The following CSMD1 variants were observed in gnomAD, a reference collection of about 807,000 sequenced individuals.
CSMD1 encodes the protein CUB and sushi domain-containing protein 1.
A neutral mutation model predicts 417.5 loss-of-function variants in CSMD1; 213 were observed. That is an observed-to-expected ratio of 0.51 (90% CI 0.46 to 0.57). The LOEUF (loss-of-function observed/expected upper bound fraction) is 0.57. Ranked by LOEUF, CSMD1 falls within the 20% of genes least tolerant of loss-of-function variation. The probability of loss-of-function intolerance (pLI) is 0.00; values close to 1 mark genes in which losing one functional copy is unlikely to be tolerated. For synonymous variants in CSMD1, 2,862 were observed against 1,736.8 expected (o/e 1.65, Z -16.11); for missense variants, 6,923 against 4,529.7 (o/e 1.53, Z -15.17).
At chr8:3,688,670 C>A (rs1327902075) in intron 7 of CSMD1, among the ~76,000 whole-genome samples, 1 of 152,136 alleles carries the variant, frequency 6.6e-6, no homozygotes, top group African/African-American at 2.4e-5. Context: ...AATTTCGTGG[C>A]AGTTCTGCAA....
intron 3 of CSMD1, among the ~76,000 whole-genome samples, chr8:4,338,337 C>A (rs1228591327): frequency 6.6e-6 from 1 of 152,034 alleles, no homozygotes; most frequent in African/African-American, 2.4e-5. Flanking sequence ...GTGATCTGTT[C>A]CAGGGCTCTC....
At chr8:4,309,506 A>T (rs530186242) in intron 3 of CSMD1, among the ~76,000 whole-genome samples, 186 of 152,250 alleles carry the variant, frequency 1.2e-3, no homozygotes, top group African/African-American at 4.0e-3. Context: ...AAATTTCTAA[A>T]CTAAAAGGTA....
At chr8:4,741,936 G>T (rs1227052103) in intron 1 of CSMD1, among the ~76,000 whole-genome samples, 1 of 144,406 alleles carries the variant, frequency 6.9e-6, no homozygotes, top group Non-Finnish European at 1.5e-5. Context: ...TGGGCTCAAG[G>T]AATCTTCCCA....
At chr8:4,484,462 T>G (rs2130153525) in intron 2 of CSMD1, among the ~76,000 whole-genome samples, 1 of 152,200 alleles carries the variant, frequency 6.6e-6, no homozygotes, top group African/African-American at 2.4e-5. Flanking sequence ...CAGTCAGTAC[T>G]TGGGCAATTT....
intron 12 of CSMD1, among the ~76,000 whole-genome samples, chr8:3,448,102 G>A (rs953480262): frequency 5.3e-5 from 8 of 151,384 alleles, no homozygotes; most frequent in East Asian, 4.0e-4. Context: ...AAGATAGAAG[G>A]GTAAGAGAAT....
intron 10 of CSMD1, among the ~76,000 whole-genome samples, chr8:3,540,660 T>G (rs1013385482): frequency 7.9e-5 from 12 of 151,944 alleles, no homozygotes; most frequent in African/African-American, 2.9e-4. Flanking sequence ...ATCCAGAATC[T>G]ACAAGGAACT....
intron 3 of CSMD1, among the ~76,000 whole-genome samples, chr8:4,374,407 A>C (rs775401011): frequency 1.3e-5 from 2 of 152,216 alleles, no homozygotes; most frequent in Non-Finnish European, 2.9e-5. Context: ...ATAGGGGCTG[A>C]AGGCACCTGA....
At chr8:4,805,317 ACACTT>A (rs1316063696) in intron 1 of CSMD1, among the ~76,000 whole-genome samples, 2 of 152,220 alleles carry the variant, frequency 1.3e-5, no homozygotes, top group Non-Finnish European at 2.9e-5. Context: ...ATGTTATAGA[ACACTT>A]CAATATCCTC....
At chr8:3,543,240 G>A (rs765501931) in intron 10 of CSMD1, among the ~76,000 whole-genome samples, 2 of 152,252 alleles carry the variant, frequency 1.3e-5, no homozygotes, top group African/African-American at 2.4e-5. Context: ...AGCCCAGGAT[G>A]TGACGTAGAG....
chr8:4,322,915 G>A (rs1209005974), intron 3 of CSMD1, among the ~76,000 whole-genome samples: 1 of 152,188 alleles, frequency 6.6e-6, no homozygotes, highest in Non-Finnish European at 1.5e-5. Flanking sequence ...AACCCTGGAG[G>A]TGGAGGTTGC....
Position 4,083,626 on chromosome 8 carries a change from C to G in CSMD1, c.416-51527G>C, listed in dbSNP as rs529258961. 3.3e-5 allele frequency among the ~76,000 whole-genome samples: 5 copies of G among 152,254 alleles called. No individual in the cohort carries two copies. In the South Asian group the frequency reaches 1.0e-3, roughly 32 times the overall value. ...TATTTAATTAATGGTGCTGGGAAAA[C>G]TGGCTAGCCATATGTAGAAAGCTGA... On this transcript the variant is annotated intron_variant, in intron 3 of 69. Coordinates refer to ENST00000635120, the MANE Select transcript of CSMD1 (RefSeq NM_033225.6).
At chr8:3,875,778 G>A (rs1471913074) in intron 5 of CSMD1, among the ~76,000 whole-genome samples, 1 of 152,152 alleles carries the variant, frequency 6.6e-6, no homozygotes, top group African/African-American at 2.4e-5. Flanking sequence ...CCTCCTCAAA[G>A]CTTTGTGGTA....
chr8:4,857,700 C>T (rs550254468), intron 1 of CSMD1, among the ~76,000 whole-genome samples: 5 of 152,030 alleles, frequency 3.3e-5, no homozygotes, highest in African/African-American at 1.2e-4. Flanking sequence ...TACACTCTCC[C>T]AAGACTAAAC....
chr8:3,410,377 G>C (rs1812609482), intron 12 of CSMD1, among the ~76,000 whole-genome samples: 1 of 152,190 alleles, frequency 6.6e-6, no homozygotes, highest in African/African-American at 2.4e-5. Flanking sequence ...ATTTGGCTGT[G>C]TCCCCACCTA....
intron 7 of CSMD1, among the ~76,000 whole-genome samples, chr8:3,707,503 G>A (rs908525983): frequency 1.3e-5 from 2 of 152,196 alleles, no homozygotes; most frequent in Admixed American, 6.5e-5. Context: ...GAAGAAGCGT[G>A]AGCAGAAAAC....
chr8:4,458,767 G>A (rs1799636079), intron 2 of CSMD1, among the ~76,000 whole-genome samples: 1 of 152,052 alleles, frequency 6.6e-6, no homozygotes, highest in Admixed American at 6.5e-5. Flanking sequence ...TTTATGCATT[G>A]AATAAGATAA....
chr8:3,426,093 T>G (rs2116999633), intron 12 of CSMD1, among the ~76,000 whole-genome samples: 1 of 152,374 alleles, frequency 6.6e-6, no homozygotes, highest in East Asian at 1.9e-4. Flanking sequence ...CAGAACAGAC[T>G]ATTGCATGAA....
chr8:4,089,501 C>A (rs1002852398), intron 3 of CSMD1, among the ~76,000 whole-genome samples: 1 of 152,152 alleles, frequency 6.6e-6, no homozygotes, highest in Non-Finnish European at 1.5e-5. Flanking sequence ...AAAAGTGACA[C>A]ATTCCATATA....
At chr8:3,618,390 G>A (rs1371618486) in intron 7 of CSMD1, among the ~76,000 whole-genome samples, 1 of 151,862 alleles carries the variant, frequency 6.6e-6, no homozygotes, top group Non-Finnish European at 1.5e-5. Flanking sequence ...TATATTATGT[G>A]GTTTCATTCT....
Sources: allele counts gnomAD v4.1 joint callset (sites outside exome capture counted in the v4.1 genomes callset), GRCh38; gene constraint gnomAD v4.1.1; transcripts MANE v1.5; gene names NCBI Gene and HGNC (gene_info 2026-07-23, HGNC 2026-07-21).